The following DCAKD variants were observed in gnomAD, a reference collection of about 807,000 sequenced individuals.
DCAKD encodes dephospho-CoA kinase domain containing.
In DCAKD, 15 loss-of-function variants were observed where a neutral mutation model predicts 18.7. The observed-to-expected ratio is 0.80, with a 90% CI of 0.54 to 1.24. The LOEUF (loss-of-function observed/expected upper bound fraction) is 1.24, where lower values mean the gene tolerates loss of function less well. Among genes scored for constraint, DCAKD ranks in the 50% most tolerant of loss-of-function variants. DCAKD has a pLI of 0.00. For synonymous variants in DCAKD, 130 were observed against 133.0 expected (o/e 0.98, Z 0.16); for missense variants, 301 against 322.0 (o/e 0.93, Z 0.50).
Position 45,034,762 on chromosome 17 carries a change from C to T in DCAKD, c.112+12G>A, listed in dbSNP as rs1030451300. On this transcript the variant is annotated intron_variant, in intron 2 of 4. Transcript: ENST00000651974. Reference sequence around the variant, plus strand: ...GCTGTGCACGGCCCCCCAACCTGCCCCTCCAACTCACCGTGCCGGGCCATC... The same window carrying T: ...GCTGTGCACGGCCCCCCAACCTGCCTCTCCAACTCACCGTGCCGGGCCATC... 7 of 1,613,398 alleles carry T rather than the reference C, an allele frequency of 4.3e-6. No individual in the cohort carries two copies. In the African/African-American group the frequency reaches 9.3e-5, roughly 22 times the overall value.
upstream of DCAKD, among the ~76,000 whole-genome samples, chr17:45,052,261 C>A (rs2143398306): frequency 6.6e-6 from 1 of 152,236 alleles, no homozygotes; most frequent in East Asian, 1.9e-4. Context: ...GTCCTAACTT[C>A]GGATATAAAG....
chr17:45,055,957 T>C (rs772018386), upstream of DCAKD, among the ~76,000 whole-genome samples: 7 of 152,098 alleles, frequency 4.6e-5, no homozygotes, highest in Non-Finnish European at 5.9e-5. Flanking sequence ...AGTTTGAGAC[T>C]AGCCTGGCCA....
At chr17:45,048,728 C>CCAGGAGG (rs2053626552) in intron 1 of DCAKD, among the ~76,000 whole-genome samples, 1 of 151,098 alleles carries the variant, frequency 6.6e-6, no homozygotes, top group Non-Finnish European at 1.5e-5. Context: ...AGCATTTGAA[C>CCAGGAGG]CTAGGAGGTA....
At chr17:45,035,045 A>C in intron 1 of DCAKD, 46 bp from the exon 2 acceptor site, 4 of 658,102 alleles carry the variant, frequency 6.1e-6, no homozygotes, top group Non-Finnish European at 1.1e-5. Context: ...GGCCAAAATA[A>C]TTGGGAGAGA....
chr17:45,035,306 C>G (rs1360406017), intron 1 of DCAKD, among the ~76,000 whole-genome samples: 1 of 151,884 alleles, frequency 6.6e-6, no homozygotes, highest in Non-Finnish European at 1.5e-5. Context: ...CATGGTGGAA[C>G]CCCATCTCTA....
rs561335792 is a variant in DCAKD at position 45,046,197 on chromosome 17, T to C, written c.-115+5164A>G. ...ACTTCCCACCTCCACATTCCTGGAC[T>C]GACAATATATTGGGCTAAAAGATGA... On this transcript the variant is annotated intron_variant, in intron 1 of 4. Coordinates refer to ENST00000651974, the MANE Select transcript of DCAKD (RefSeq NM_001288655.2). 3.9e-5 allele frequency among the ~76,000 whole-genome samples: 6 copies of C among 152,280 alleles called. No individual in the cohort carries two copies. The South Asian group carries it at 1.2e-3, about 32-fold the overall frequency.
At chr17:45,057,469 G>A (rs1272324593) in intron 1 of DCAKD, among the ~76,000 whole-genome samples, 10 of 152,058 alleles carry the variant, frequency 6.6e-5, no homozygotes, top group Admixed American at 5.2e-4. Flanking sequence ...TTGGGAGGCC[G>A]AGGCAGGCGG....
At chr17:45,033,168 A>G (rs1440432679) in intron 3 of DCAKD, among the ~76,000 whole-genome samples, 1 of 150,758 alleles carries the variant, frequency 6.6e-6, no homozygotes, top group Non-Finnish European at 1.5e-5. Flanking sequence ...CAGCATAGTG[A>G]GACCCCATCT....
chr17:45,024,506 C>A lies in DCAKD; in HGVS notation c.623G>T (p.Gly208Val), dbSNP rs2043905622. The A allele has an allele frequency of 6.2e-7, 1 of 1,613,946 alleles. No individual in the cohort carries two copies. The highest frequency in any genetic ancestry group is 1.3e-5 in the African/African-American group (1 of 74,908). Residue 208 changes from glycine to valine, a missense_variant, in exon 5 of 5, where the codon GGG becomes GTG. By Grantham distance (109) the Gly-to-Val change is moderately radical (BLOSUM62 -3). Coordinates refer to ENST00000651974, the MANE Select transcript of DCAKD (RefSeq NM_001288655.2). ...RSLEYLPLRF[G>V]VLTGLAAIAS... ...AATGGCAGCGAGCCCTGTGAGGACC[C>A]CAAACCTCAGCGGCAGGTACTCCAG...
At chr17:45,029,133 A>G (rs1172841897) in intron 4 of DCAKD, among the ~76,000 whole-genome samples, 2 of 152,256 alleles carry the variant, frequency 1.3e-5, no homozygotes, top group Non-Finnish European at 2.9e-5. Flanking sequence ...ACAGGGAATG[A>G]AGAACCCAAA....
At chr17:45,032,603 T>C (rs567810766) in intron 3 of DCAKD, among the ~76,000 whole-genome samples, 69 of 151,816 alleles carry the variant, frequency 4.5e-4, no homozygotes, top group African/African-American at 1.6e-3. Context: ...GCCAATATAG[T>C]GAAACCCGAT....
Position 45,034,985 on chromosome 17 carries a change from G to A in DCAKD, c.-100C>T. On this transcript the variant is annotated 5_prime_UTR_variant, in exon 2 of 5. Coordinates refer to ENST00000651974, the MANE Select transcript of DCAKD (RefSeq NM_001288655.2). ...GGCCGATGGGGGCGGTCCACCAGAG[G>A]AGTGCCAGAAGGACCTGCTTGGGAG... 1 of 1,289,740 alleles carries A rather than the reference G, an allele frequency of 7.8e-7. No homozygotes were observed. Among genetic ancestry groups the A allele is most frequent in the South Asian group, 1.3e-5 (1 of 76,660 alleles). The allele number at this position is 1,289,740 out of a possible 1,614,324, so 79.9% of individuals were successfully genotyped here. A position where few individuals can be genotyped will look rare whatever the true frequency, so the allele number is the denominator to read the frequency against.
chr17:45,045,776 C>G (rs2053553136), intron 1 of DCAKD, among the ~76,000 whole-genome samples: 1 of 151,702 alleles, frequency 6.6e-6, no homozygotes, highest in Admixed American at 6.6e-5. Flanking sequence ...ATACATAAAC[C>G]ATGCAGCAAA....
At chr17:45,033,591 A>G (rs1328177318) in intron 3 of DCAKD, among the ~76,000 whole-genome samples, 2 of 152,098 alleles carry the variant, frequency 1.3e-5, no homozygotes, top group Non-Finnish European at 2.9e-5. Flanking sequence ...CAGCCTCCCG[A>G]GTAGCTGGGA....
intron 1 of DCAKD, among the ~76,000 whole-genome samples, chr17:45,035,753 C>CG (rs879623975): frequency 1.3e-5 from 2 of 152,148 alleles, no homozygotes; most frequent in Non-Finnish European, 2.9e-5. Flanking sequence ...CAGCCATCCA[C>CG]GGAAGATGCA....
upstream of DCAKD, among the ~76,000 whole-genome samples, chr17:45,055,361 C>T (rs553088867): frequency 1.6e-5 from 2 of 121,440 alleles, no homozygotes; most frequent in Non-Finnish European, 1.8e-5. Context: ...ATTTTCTGTA[C>T]GTTTATTTAT....
chr17:45,031,609 A>T, intron 3 of DCAKD: 2 of 985,352 alleles, frequency 2.0e-6, no homozygotes, highest in Non-Finnish European at 1.2e-6. Flanking sequence ...GCAGAAGCCA[A>T]GACTAGATCC....
rs74252802 is a variant in DCAKD at position 45,038,332 on chromosome 17, C to A, written c.-114-3333G>T. ...ACCTCAGGTGATCTGCCCACCCAGG[C>A]AGTTCTGATGTGTAACAGCGCTCAG... On this transcript the variant is annotated intron_variant, in intron 1 of 4. Coordinates refer to ENST00000651974, the MANE Select transcript of DCAKD (RefSeq NM_001288655.2). Among the ~76,000 whole-genome samples, 1,085 of 152,270 alleles carry A rather than the reference C, an allele frequency of 7.1e-3. 36 individuals are homozygous for A. The East Asian group carries it at 0.11, about 16-fold the overall frequency.
chr17:45,041,570 A>T (rs1597967431), intron 1 of DCAKD, among the ~76,000 whole-genome samples: 2 of 150,880 alleles, frequency 1.3e-5, no homozygotes, highest in South Asian at 4.2e-4. Flanking sequence ...TCAGCCTCCC[A>T]AAGTGCTGGG....
Sources: allele counts gnomAD v4.1 joint callset (sites outside exome capture counted in the v4.1 genomes callset), GRCh38; gene constraint gnomAD v4.1.1; transcripts MANE v1.5; gene names NCBI Gene and HGNC (gene_info 2026-07-23, HGNC 2026-07-21).